Variants in HSPG2 observed in about 807,000 individuals in gnomAD.
The protein encoded by HSPG2 is basement membrane-specific heparan sulfate proteoglycan core protein.
Under a neutral mutation model 526.6 loss-of-function variants are expected in HSPG2, and 278 were observed. The observed-to-expected ratio is 0.53, with a 90% CI of 0.48 to 0.58. The LOEUF (loss-of-function observed/expected upper bound fraction) is 0.58, where lower values mean the gene tolerates loss of function less well. Among genes scored for constraint, HSPG2 ranks in the 20% least tolerant of loss-of-function variants. HSPG2 has a pLI of 0.00. For missense variants in HSPG2, 5,354 were observed against 6,099.5 expected (o/e 0.88, Z 4.07); for synonymous variants, 2,465 against 2,555.4 (o/e 0.96, Z 1.07).
Position 21,887,974 on chromosome 1 carries a change from G to A in HSPG2, c.667C>T (p.Pro223Ser). 1 of 1,614,156 alleles carries A rather than the reference G, an allele frequency of 6.2e-7. No homozygotes were observed. The highest frequency in any genetic ancestry group is 8.5e-7 in the Non-Finnish European group (1 of 1,180,050). ...TCATCAGACATGTCCCTGCAGTCGG[G>A]CCGCCGGTCACAGCGATACTCCAGG... is the stretch of plus-strand genomic sequence containing the variant. ...VALEYRCDRR[P>S]DCRDMSDELN... is the part of the protein sequence containing the mutation. The change falls in exon 7 of 97, where the codon CCC becomes TCC. Residue 223 changes from proline to serine, a missense_variant. Coordinates refer to ENST00000374695, the MANE Select transcript of HSPG2 (RefSeq NM_005529.7). The surrounding 1 kb of genome is among the most constrained non-coding windows in gnomAD (Gnocchi z 5.0).
At chr1:21,849,902 A>G (rs1638751494) in intron 57 of HSPG2, 139 bp downstream of exon 57, 1 of 1,058,414 alleles carries the variant, frequency 9.4e-7, no homozygotes, top group African/African-American at 1.6e-5. Flanking sequence ...CTGGTCTCAA[A>G]CTCCTGACCT....
chr1:21,835,702 G>C (rs1291404435), intron 75 of HSPG2, 65 bp from the exon 76 acceptor site: 2 of 1,271,970 alleles, frequency 1.6e-6, no homozygotes, highest in African/African-American at 1.5e-5. Context: ...TTTGCAATTG[G>C]GCTGGGCGTG....
At chr1:21,868,303 G>A (rs2085272) in intron 33 of HSPG2, among the ~76,000 whole-genome samples, 35,054 of 152,136 alleles carry the variant, frequency 0.23, 4,826 homozygotes, top group East Asian at 0.54. Flanking sequence ...CTCCCAAAGT[G>A]TTGGGATTAC....
chr1:21,835,344 C>T, intron 76 of HSPG2, 196 bp downstream of exon 76: 1 of 629,518 alleles, frequency 1.6e-6, no homozygotes. Context: ...CCATCCATAT[C>T]CTTCTTCCCT....
rs550426851 is a variant in HSPG2 at position 21,826,072 on chromosome 1, C to T, written c.12590-1293G>A. ...TGCTGGGATGACAGGTGTGAGCCAC[C>T]GCACCCAGCCTTATTTTTTATTTTT... On this transcript the variant is annotated intron_variant, in intron 91 of 96. Transcript: ENST00000374695. Among the ~76,000 whole-genome samples the T allele has an allele frequency of 5.3e-5, 8 of 151,644 alleles. No homozygotes were observed. In the South Asian group the frequency reaches 6.3e-4, roughly 12 times the overall value.
chr1:21,844,523 C>G (rs1391403003), intron 64 of HSPG2, among the ~76,000 whole-genome samples: 1 of 152,254 alleles, frequency 6.6e-6, no homozygotes, highest in Non-Finnish European at 1.5e-5. Context: ...CTCCTCCTCC[C>G]ATGCTCCCAG....
In HSPG2 at chr1:21,904,952, A is replaced by G. The variant is rs1643289108; in HGVS notation, c.64-8642T>C. Among the ~76,000 whole-genome samples the G allele has an allele frequency of 6.6e-6, 1 of 152,154 alleles. No homozygotes were observed. Among genetic ancestry groups the G allele is most frequent in the African/African-American group, 2.4e-5 (1 of 41,448 alleles). ...GGGTCACTGCCCACAGATTTCATGAATGATGCCCCTTGCACAGTGCCAGGA... is the reference window on the plus strand; with the variant it reads ...GGGTCACTGCCCACAGATTTCATGAGTGATGCCCCTTGCACAGTGCCAGGA... On this transcript the variant is annotated intron_variant, in intron 1 of 96. Transcript: ENST00000374695. The surrounding 1 kb of genome is among the most constrained non-coding windows in gnomAD (Gnocchi z 4.4).
At chr1:21,884,735 C>T (rs1229204582) in intron 12 of HSPG2, 32 bp downstream of exon 12, 1 of 1,612,176 alleles carries the variant, frequency 6.2e-7, no homozygotes, top group South Asian at 1.1e-5. Flanking sequence ...GCTCTGCCCC[C>T]ACACCCGGTG....
intron 85 of HSPG2, chr1:21,830,723 G>C (rs2097999539): frequency 3.9e-6 from 2 of 512,456 alleles, no homozygotes. Flanking sequence ...GATGGGCTGG[G>C]GGTGGGGGAG....
intron 1 of HSPG2, among the ~76,000 whole-genome samples, chr1:21,927,259 G>A (rs761859506): frequency 1.3e-4 from 19 of 151,716 alleles, no homozygotes; most frequent in African/African-American, 3.9e-4. Flanking sequence ...GGTGTGACCC[G>A]CCTGATGGGG....
At chr1:21,920,799 C>G (rs1644016015) in intron 1 of HSPG2, among the ~76,000 whole-genome samples, 5 of 152,316 alleles carry the variant, frequency 3.3e-5, no homozygotes, top group Middle Eastern at 6.8e-3. Flanking sequence ...AGCAGCAGGA[C>G]CCAGCCCAGG....
At chr1:21,889,846 TG>T in intron 6 of HSPG2, 134 bp downstream of exon 6, 2 of 889,582 alleles carry the variant, frequency 2.2e-6, no homozygotes, top group South Asian at 2.8e-5. Context: ...TAAAGATCGA[TG>T]GGGCAGACTC....
At position 21,896,325 on chromosome 1, in the gene HSPG2, G is replaced by C. The variant is rs770701544; in HGVS notation, c.64-15C>G. On this transcript the variant is annotated splice_polypyrimidine_tract_variant and intron_variant, in intron 1 of 96. Transcript: ENST00000374695. Reference sequence around the variant, plus strand: ...CCATGGGTCACCTGTAAGCAAACGAGAGCTGATTGAGTCACTCTCTCCAGC... The same window carrying C: ...CCATGGGTCACCTGTAAGCAAACGACAGCTGATTGAGTCACTCTCTCCAGC... 2.5e-6 allele frequency: 4 copies of C among 1,611,290 alleles called. No individual in the cohort carries two copies. The highest frequency in any genetic ancestry group is 1.1e-5 in the South Asian group (1 of 91,078).
Position 21,895,666 on chromosome 1 carries a change from GA to G in HSPG2, c.244+255del. Among the ~76,000 whole-genome samples, 1 of 152,210 alleles carries G rather than the reference GA, an allele frequency of 6.6e-6. No individual in the cohort carries two copies. The highest frequency in any genetic ancestry group is 1.5e-5 in the Non-Finnish European group (1 of 68,032). On this transcript the variant is annotated intron_variant, in intron 3 of 96. Coordinates refer to ENST00000374695, the MANE Select transcript of HSPG2 (RefSeq NM_005529.7). This position sits in a 1 kb window ranked among gnomAD's most constrained non-coding sequence, Gnocchi z 4.1. ...GCTGACTGGCTGTCAGTCCCCAGCA[GA>G]ACTGGGCTTTACCTGCCCAGTGCCC...
intron 25 of HSPG2, among the ~76,000 whole-genome samples, chr1:21,875,386 C>T (rs906562935): frequency 6.6e-6 from 1 of 152,156 alleles, no homozygotes; most frequent in African/African-American, 2.4e-5. Flanking sequence ...GGCCCCTCCC[C>T]CCTCCTGCGT....
intron 50 of HSPG2, chr1:21,853,792 A>C (rs1316240451): frequency 4.8e-6 from 1 of 208,704 alleles, no homozygotes; most frequent in Non-Finnish European, 9.6e-6. Flanking sequence ...AAAATAAAAT[A>C]AAATAATAAA....
Position 21,824,651 on chromosome 1 carries a change from C to G in HSPG2, c.12666-36G>C. The G allele has an allele frequency of 6.2e-7, 1 of 1,613,658 alleles. No homozygotes were observed. Among genetic ancestry groups the G allele is most frequent in the Non-Finnish European group, 8.5e-7 (1 of 1,179,778 alleles). ...AGAGCGGGTGAGGGGACAGAAGTCC[C>G]AGATTCCCATCCTCCCCATTAGGCC... On this transcript the variant is annotated intron_variant, in intron 92 of 96. Coordinates refer to ENST00000374695, the MANE Select transcript of HSPG2 (RefSeq NM_005529.7). The surrounding 1 kb of genome is among the most constrained non-coding windows in gnomAD (Gnocchi z 5.9).
At chr1:21,837,307 A>T (rs12044125) in intron 74 of HSPG2, among the ~76,000 whole-genome samples, 2 of 152,156 alleles carry the variant, frequency 1.3e-5, no homozygotes, top group Non-Finnish European at 2.9e-5. Context: ...TTTGAGACGG[A>T]GTCTCGCTCT....
chr1:21,887,869 A>G lies in HSPG2; in HGVS notation c.703+69T>C, dbSNP rs1467535647. On this transcript the variant is annotated intron_variant, in intron 7 of 96. Coordinates refer to ENST00000374695, the MANE Select transcript of HSPG2 (RefSeq NM_005529.7). This position sits in a 1 kb window ranked among gnomAD's most constrained non-coding sequence, Gnocchi z 5.0. ...CCCTCATAGTCCTTGATGGGCTCCA[A>G]GACCCAGGTGTAGGACCCTGGCCCT... 4.3e-6 allele frequency: 7 copies of G among 1,610,212 alleles called. No individual in the cohort carries two copies. The highest frequency in any genetic ancestry group is 5.9e-6 in the Non-Finnish European group (7 of 1,177,740).
Sources: gnomAD v4.1 joint callset for allele counts (sites outside exome capture counted in the v4.1 genomes callset) on GRCh38, gnomAD v4.1.1 for gene constraint, Gnocchi (gnomAD v3.1) non-coding constraint, MANE v1.5 for transcripts, NCBI Gene and HGNC (gene_info 2026-07-23, HGNC 2026-07-21) for gene names.